FAM107B: variants seen among roughly 807,000 people sequenced by gnomAD.
The protein encoded by FAM107B is protein FAM107B.
In FAM107B, 21 loss-of-function variants were observed where a neutral mutation model predicts 31.5. The ratio of observed to expected loss-of-function variants is 0.67; its 90% CI spans 0.47 to 0.96. The LOEUF (loss-of-function observed/expected upper bound fraction) is 0.96, where lower values mean the gene tolerates loss of function less well. FAM107B is among the 40% of genes least tolerant of loss of function. FAM107B has a pLI of 0.00. For synonymous variants in FAM107B, 157 were observed against 141.5 expected (o/e 1.11, Z -0.78); for missense variants, 452 against 377.1 (o/e 1.20, Z -1.64).
chr10:14,695,101 G>A (rs1051205353), intron 1 of FAM107B, among the ~76,000 whole-genome samples: 2 of 151,956 alleles, frequency 1.3e-5, no homozygotes, highest in Admixed American at 6.6e-5. Context: ...GCTTTCCCCC[G>A]GTTTCCCTTT....
intron 2 of FAM107B, among the ~76,000 whole-genome samples, chr10:14,590,832 A>C (rs527381954): frequency 1.3e-5 from 2 of 150,098 alleles, no homozygotes; most frequent in Admixed American, 6.7e-5. Context: ...AAAAAAAAAA[A>C]CACAAAATTA....
At chr10:14,724,391 T>C (rs1855981658) in intron 1 of FAM107B, among the ~76,000 whole-genome samples, 1 of 152,220 alleles carries the variant, frequency 6.6e-6, no homozygotes, top group African/African-American at 2.4e-5. Context: ...GTTGGAATCC[T>C]TGTCAAAAGC....
intron 2 of FAM107B, chr10:14,572,262 G>A: frequency 1.0e-6 from 1 of 985,450 alleles, no homozygotes; most frequent in African/African-American, 1.7e-5. Context: ...GGCAGCACTG[G>A]TGAAATGTAC....
chr10:14,553,321 CTAAAA>C (rs1849426852), intron 2 of FAM107B: 7 of 1,261,246 alleles, frequency 5.6e-6, no homozygotes, highest in Non-Finnish European at 6.1e-6. Context: ...CCCACACTTA[CTAAAA>C]TACTTTGTAA....
chr10:14,604,893 T>C (rs1290322009), intron 2 of FAM107B, among the ~76,000 whole-genome samples: 1 of 152,102 alleles, frequency 6.6e-6, no homozygotes, highest in Non-Finnish European at 1.5e-5. Context: ...CTCTCTCCTC[T>C]GTCTCATTCT....
chr10:14,728,190 TA>T (rs1354858539), intron 1 of FAM107B, among the ~76,000 whole-genome samples: 3 of 152,244 alleles, frequency 2.0e-5, no homozygotes, highest in African/African-American at 7.2e-5. Flanking sequence ...TTTGCATTTT[TA>T]ATATCAACTG....
intron 2 of FAM107B, among the ~76,000 whole-genome samples, chr10:14,628,065 T>C (rs1276283437): frequency 6.6e-6 from 1 of 151,624 alleles, no homozygotes; most frequent in Non-Finnish European, 1.5e-5. Flanking sequence ...TGGAAGTCCA[T>C]AGCTCTTTCT....
At chr10:14,548,753 C>T (rs954412947) in intron 2 of FAM107B, 14 of 690,932 alleles carry the variant, frequency 2.0e-5, no homozygotes, top group Middle Eastern at 7.3e-4. Flanking sequence ...AAATTGGCAT[C>T]CAGCAGGGAA....
chr10:14,655,805 C>G (rs921132098), intron 2 of FAM107B, among the ~76,000 whole-genome samples: 1 of 152,150 alleles, frequency 6.6e-6, no homozygotes, highest in South Asian at 2.1e-4. Flanking sequence ...TCCCTGGGAG[C>G]CAGCTCCACA....
At chr10:14,769,312 T>A (rs564608769) in intron 1 of FAM107B, among the ~76,000 whole-genome samples, 32 of 152,308 alleles carry the variant, frequency 2.1e-4, no homozygotes, top group Non-Finnish European at 3.8e-4. Flanking sequence ...ACCAACCTGT[T>A]CCAAAAATCA....
chr10:14,646,151 AG>A (rs1853747237), intron 2 of FAM107B, among the ~76,000 whole-genome samples: 1 of 152,178 alleles, frequency 6.6e-6, no homozygotes, highest in African/African-American at 2.4e-5. Context: ...GACAGTCATT[AG>A]TTACATGTGT....
At chr10:14,609,573 C>T (rs1366431262) in intron 2 of FAM107B, among the ~76,000 whole-genome samples, 1 of 152,196 alleles carries the variant, frequency 6.6e-6, no homozygotes, top group East Asian at 1.9e-4. Flanking sequence ...CAATCTCTGA[C>T]TTGGCCATCT....
intron 1 of FAM107B, among the ~76,000 whole-genome samples, chr10:14,716,814 G>T (rs889819246): frequency 1.3e-5 from 2 of 152,200 alleles, no homozygotes; most frequent in African/African-American, 4.8e-5. Context: ...CTTGCGCCAG[G>T]CACAGTGGCT....
chr10:14,722,974 T>C lies in FAM107B; in HGVS notation c.411+51279A>G, dbSNP rs374111452. Among the ~76,000 whole-genome samples, 197 of 152,320 alleles carry C rather than the reference T, an allele frequency of 1.3e-3. 5 individuals are homozygous for C. In the South Asian group the frequency reaches 0.033, roughly 25 times the overall value. ...CTCATATTTAGATCTTTGATATATT[T>C]GGGGGTTAATTTTGGTATACAGTGT... On this transcript the variant is annotated intron_variant, in intron 1 of 4. Coordinates refer to ENST00000181796, the MANE Select transcript of FAM107B (RefSeq NM_031453.4).
At chr10:14,713,466 G>A (rs74122960) in intron 1 of FAM107B, among the ~76,000 whole-genome samples, 3 of 151,980 alleles carry the variant, frequency 2.0e-5, no homozygotes, top group African/African-American at 7.3e-5. Flanking sequence ...GAACTGGCAC[G>A]AATCTCTTGC....
At chr10:14,558,015 T>C (rs932908817) in intron 2 of FAM107B, among the ~76,000 whole-genome samples, 3 of 152,244 alleles carry the variant, frequency 2.0e-5, no homozygotes, top group Non-Finnish European at 4.4e-5. Context: ...AAAGATCGAA[T>C]TCGTCTTTTG....
At chr10:14,531,751 T>C (rs543972709) in intron 2 of FAM107B, among the ~76,000 whole-genome samples, 6 of 152,172 alleles carry the variant, frequency 3.9e-5, no homozygotes, top group African/African-American at 1.4e-4. Flanking sequence ...GGAGAATCGC[T>C]TGAAGCCAGG....
At chr10:14,571,311 C>T (rs550769580) in intron 2 of FAM107B, among the ~76,000 whole-genome samples, 17 of 152,192 alleles carry the variant, frequency 1.1e-4, no homozygotes, top group African/African-American at 4.1e-4. Flanking sequence ...ATAACAAGTA[C>T]TTCAAAATAT....
intron 2 of FAM107B, among the ~76,000 whole-genome samples, chr10:14,616,888 C>T (rs1182974121): frequency 6.6e-6 from 1 of 151,990 alleles, no homozygotes; most frequent in Non-Finnish European, 1.5e-5. Flanking sequence ...CGCTGTACTC[C>T]AGCCTGGGTG....
Sources: gnomAD v4.1 joint callset for allele counts (sites outside exome capture counted in the v4.1 genomes callset) on GRCh38, gnomAD v4.1.1 for gene constraint, MANE v1.5 for transcripts, NCBI Gene and HGNC (gene_info 2026-07-23, HGNC 2026-07-21) for gene names.